ASXL2: variants seen among roughly 807,000 people sequenced by gnomAD.
ASXL2 encodes putative Polycomb group protein ASXL2.
ASXL2 carries 23 observed loss-of-function variants against 122.0 expected under a neutral mutation model. The observed-to-expected ratio is 0.19, with a 90% CI of 0.14 to 0.27. ASXL2 has a LOEUF of 0.27. Ranked by LOEUF, ASXL2 falls within the 10% of genes least tolerant of loss-of-function variation. The probability of loss-of-function intolerance (pLI) is 1.00; values close to 1 mark genes in which losing one functional copy is unlikely to be tolerated. For missense variants in ASXL2, 1,518 were observed against 1,713.8 expected, an observed-to-expected ratio of 0.89 and a Z score of 2.02; for synonymous variants, 650 against 637.0, an observed-to-expected ratio of 1.02 and a Z score of -0.31.
chr2:25,744,078 C>A lies in ASXL2; in HGVS notation c.2259G>T (p.Gln753His), dbSNP rs372739742. 1.9e-6 allele frequency: 3 copies of A among 1,613,998 alleles called. No homozygotes were observed. The highest frequency in any genetic ancestry group is 3.3e-5 in the Admixed American group (2 of 60,020). ...LLPCGPETQPQSETKTTPSQA... is the reference protein window; with the variant it reads ...LLPCGPETQPHSETKTTPSQA... ...GGCTTGGGGTGGTCTTGGTCTCAGACTGGGGCTGAGTCTCTGGACCACAGG... is the reference window on the plus strand; with the variant it reads ...GGCTTGGGGTGGTCTTGGTCTCAGAATGGGGCTGAGTCTCTGGACCACAGG... The change falls in exon 13 of 13, where the codon CAG becomes CAT. Residue 753 changes from glutamine (Q) to histidine (H), a missense_variant. By Grantham distance (24) the Gln-to-His change is conservative. Transcript: ENST00000435504. This position sits in a 1 kb window ranked among gnomAD's most constrained non-coding sequence, Gnocchi z 4.7.
intron 4 of ASXL2, among the ~76,000 whole-genome samples, chr2:25,802,371 G>A (rs919137971): frequency 2.6e-5 from 4 of 152,172 alleles, no homozygotes; most frequent in African/African-American, 9.7e-5. Flanking sequence ...CAGCACAGAG[G>A]TAATATTGTG....
intron 11 of ASXL2, among the ~76,000 whole-genome samples, chr2:25,752,179 C>T (rs995436328): frequency 1.1e-4 from 16 of 152,158 alleles, no homozygotes; most frequent in South Asian, 2.1e-4. Flanking sequence ...AGTTTTCAAG[C>T]TGTGGTTACG....
At chr2:25,824,737 A>C (rs1247748508) in intron 3 of ASXL2, among the ~76,000 whole-genome samples, 6 of 152,096 alleles carry the variant, frequency 3.9e-5, no homozygotes, top group African/African-American at 1.4e-4. Context: ...AATGTTTCCT[A>C]ATTATGTATT....
At chr2:25,780,602 G>A (rs1211130171) in intron 5 of ASXL2, among the ~76,000 whole-genome samples, 1 of 152,116 alleles carries the variant, frequency 6.6e-6, no homozygotes, top group Non-Finnish European at 1.5e-5. Context: ...TGCACCATAC[G>A]TCCTGTAGGT....
chr2:25,771,784 A>C (rs1205283252), intron 5 of ASXL2, among the ~76,000 whole-genome samples: 1 of 152,194 alleles, frequency 6.6e-6, no homozygotes, highest in East Asian at 1.9e-4. Flanking sequence ...TTCATTTATT[A>C]CTTTTTCAAT....
chr2:25,803,545 C>T (rs996379101), intron 4 of ASXL2, among the ~76,000 whole-genome samples: 1 of 152,186 alleles, frequency 6.6e-6, no homozygotes, highest in Admixed American at 6.5e-5. Context: ...AGTTGAATTA[C>T]AGCAGTGGTC....
rs575053306 is a variant in ASXL2, at chr2:25,759,479, C to T, written c.939+3G>A. On this transcript the variant is annotated splice_donor_region_variant and intron_variant, in intron 9 of 12. Coordinates refer to ENST00000435504, the MANE Select transcript of ASXL2 (RefSeq NM_018263.6). ...TAAAATCTTAAGGAGTTCAATGACG[C>T]ACCTGTCGATCTACCTCTGGGAGTA... 1.9e-6 allele frequency: 3 copies of T among 1,612,990 alleles called. No homozygotes were observed. Among genetic ancestry groups the T allele is most frequent in the South Asian group, 1.1e-5 (1 of 90,976 alleles).
Position 25,736,210 on chromosome 2 carries a change from G to A in ASXL2, c.*5819C>T, listed in dbSNP as rs1407556208. ...TCTGACTCAGTGAAGTAAATAAAGG[G>A]TAGCTGGGGATCCAGGTTGAAGCTG... On this transcript the variant is annotated 3_prime_UTR_variant, in exon 13 of 13. Coordinates refer to ENST00000435504, the MANE Select transcript of ASXL2 (RefSeq NM_018263.6). 1 of 152,162 alleles carries A rather than the reference G, an allele frequency of 6.6e-6. No individual in the cohort carries two copies. The highest frequency in any genetic ancestry group is 1.9e-4 in the East Asian group (1 of 5,192). The allele number at this position is 152,162 out of a possible 1,614,324, so 9.4% of individuals were successfully genotyped here. A position where few individuals can be genotyped will look rare whatever the true frequency, so the allele number is the denominator to read the frequency against.
In ASXL2 at chr2:25,742,860, C is replaced by T. The variant is rs1262153266; in HGVS notation, c.3477G>A (p.Leu1159=). The T allele has an allele frequency of 1.2e-6, 2 of 1,613,990 alleles. No individual in the cohort carries two copies. Among genetic ancestry groups the T allele is most frequent in the Non-Finnish European group, 1.7e-6 (2 of 1,179,884 alleles). Residue 1159 remains leucine, a synonymous_variant, in exon 13 of 13, where the codon TTG becomes TTA. Transcript: ENST00000435504. ...RFCLSSPTEA[L]KMGYTDCKNA... ...TTTTACAGTCTGTATATCCCATTTT[C>T]AAGGCTTCAGTGGGGCTGCTTAGAC...
At chr2:25,858,633 G>A (rs188208302) in intron 1 of ASXL2, among the ~76,000 whole-genome samples, 3 of 150,718 alleles carry the variant, frequency 2.0e-5, no homozygotes, top group Admixed American at 2.0e-4. Context: ...TGAGGCAGGA[G>A]AATTGCTTGA....
At chr2:25,835,907 A>G (rs2089504800) in intron 2 of ASXL2, among the ~76,000 whole-genome samples, 1 of 152,248 alleles carries the variant, frequency 6.6e-6, no homozygotes, top group African/African-American at 2.4e-5. Context: ...AGGAGCCATC[A>G]TAACGCCATC....
At chr2:25,803,133 AAATGAATGAATGAATG>A (rs70950123) in intron 4 of ASXL2, among the ~76,000 whole-genome samples, 1 of 148,628 alleles carries the variant, frequency 6.7e-6, no homozygotes, top group Non-Finnish European at 1.5e-5. Context: ...CTCCATCTCA[AAATGAATGAATGAATG>A]AATGAATGAA....
intron 3 of ASXL2, among the ~76,000 whole-genome samples, chr2:25,808,100 A>G (rs1435002999): frequency 6.6e-6 from 1 of 151,798 alleles, no homozygotes; most frequent in Admixed American, 6.6e-5. Context: ...TGGGGGGGAA[A>G]AAAAACAACC....
intron 1 of ASXL2, among the ~76,000 whole-genome samples, chr2:25,853,405 CT>C (rs2149196877): frequency 6.6e-6 from 1 of 152,298 alleles, no homozygotes; most frequent in South Asian, 2.1e-4. Context: ...CTGAGATGCA[CT>C]TTTCTGTTCA....
intron 1 of ASXL2, among the ~76,000 whole-genome samples, chr2:25,871,713 T>C (rs898702632): frequency 7.9e-5 from 12 of 152,224 alleles, no homozygotes; most frequent in Non-Finnish European, 1.8e-4. Context: ...TGCCTCAGCC[T>C]CCTGAGTAGC....
intron 1 of ASXL2, among the ~76,000 whole-genome samples, chr2:25,860,692 CAG>C (rs1383915386): frequency 2.7e-5 from 4 of 148,110 alleles, no homozygotes; most frequent in African/African-American, 1.0e-4. Flanking sequence ...GCCTGGGCGA[CAG>C]AGAGAGACTC....
intron 3 of ASXL2, among the ~76,000 whole-genome samples, chr2:25,826,762 T>TAAAAAAAAAAAAAA: frequency 1.5e-5 from 1 of 68,086 alleles, no homozygotes; most frequent in Non-Finnish European, 2.6e-5. Flanking sequence ...ACTTTCAAGG[T>TAAAAAAAAAAAAAA]AAAAAAAAAA....
At chr2:25,785,675 T>C (rs936148191) in intron 5 of ASXL2, among the ~76,000 whole-genome samples, 7 of 151,984 alleles carry the variant, frequency 4.6e-5, no homozygotes, top group African/African-American at 1.7e-4. Flanking sequence ...GCCTCCCAAG[T>C]AGCTGGGATT....
At chr2:25,813,539 T>G (rs1011159426) in intron 3 of ASXL2, among the ~76,000 whole-genome samples, 1 of 152,202 alleles carries the variant, frequency 6.6e-6, no homozygotes, top group Non-Finnish European at 1.5e-5. Flanking sequence ...TGAGGAAACT[T>G]AGTTTTTCAA....
Sources: gnomAD v4.1 joint callset for allele counts (sites outside exome capture counted in the v4.1 genomes callset) on GRCh38, gnomAD v4.1.1 for gene constraint, Gnocchi (gnomAD v3.1) non-coding constraint, MANE v1.5 for transcripts, NCBI Gene and HGNC (gene_info 2026-07-23, HGNC 2026-07-21) for gene names.